The following FAM53B variants were observed in gnomAD, a reference collection of about 807,000 sequenced individuals.
FAM53B encodes the protein family with sequence similarity 53 member B.
Under a neutral mutation model 32.7 loss-of-function variants are expected in FAM53B, and 12 were observed. That is an observed-to-expected ratio of 0.37 (90% CI 0.24 to 0.59). The LOEUF (loss-of-function observed/expected upper bound fraction) is 0.59. Ranked by LOEUF, FAM53B falls within the 20% of genes least tolerant of loss-of-function variation. The pLI, the probability that FAM53B is intolerant of heterozygous loss-of-function variation, is 0.72. For synonymous variants in FAM53B, 234 were observed against 228.7 expected (o/e 1.02, Z -0.21); for missense variants, 477 against 577.7 (o/e 0.83, Z 1.79).
At chr10:124,695,424 TG>T (rs1949862427) in intron 3 of FAM53B, among the ~76,000 whole-genome samples, 1 of 152,258 alleles carries the variant, frequency 6.6e-6, no homozygotes, top group African/African-American at 2.4e-5. Context: ...CAATCTTCTC[TG>T]GAAGGCATGT....
chr10:124,678,909 T>A (rs1949752540), intron 4 of FAM53B, among the ~76,000 whole-genome samples: 1 of 152,234 alleles, frequency 6.6e-6, no homozygotes, highest in African/African-American at 2.4e-5. Flanking sequence ...AGATCTGCTC[T>A]AGGCCCCAGT....
intron 4 of FAM53B, among the ~76,000 whole-genome samples, chr10:124,629,959 C>G (rs1407762279): frequency 1.3e-5 from 2 of 152,192 alleles, no homozygotes. Flanking sequence ...AGAGATGCCT[C>G]GAAGGCTGTG....
intron 1 of FAM53B, among the ~76,000 whole-genome samples, chr10:124,718,616 G>C (rs1038187286): frequency 6.6e-6 from 1 of 152,228 alleles, no homozygotes; most frequent in Admixed American, 6.5e-5. Flanking sequence ...ATAAATTCTA[G>C]TAAGACTACT....
At chr10:124,635,697 C>T (rs1949425652) in intron 4 of FAM53B, among the ~76,000 whole-genome samples, 1 of 152,122 alleles carries the variant, frequency 6.6e-6, no homozygotes, top group African/African-American at 2.4e-5. Flanking sequence ...CCAATGGGAA[C>T]GGACCCTGCA....
chr10:124,699,447 A>G (rs958788816), intron 2 of FAM53B, among the ~76,000 whole-genome samples: 1 of 152,230 alleles, frequency 6.6e-6, no homozygotes, highest in Non-Finnish European at 1.5e-5. Context: ...CCTGCAGGCT[A>G]GCCTGGCCTC....
At chr10:124,707,015 C>A in intron 1 of FAM53B, 128 bp from the exon 2 acceptor site, 1 of 790,502 alleles carries the variant, frequency 1.3e-6, no homozygotes, top group Non-Finnish European at 1.7e-6. Flanking sequence ...GAGATGCACT[C>A]TGGGAGAGTC....
chr10:124,704,992 C>T (rs569410257), intron 2 of FAM53B, among the ~76,000 whole-genome samples: 1 of 152,320 alleles, frequency 6.6e-6, no homozygotes, highest in South Asian at 2.1e-4. Flanking sequence ...ATGGTCACAG[C>T]AGCTCTACTC....
intron 3 of FAM53B, among the ~76,000 whole-genome samples, chr10:124,687,046 T>A (rs904009185): frequency 6.6e-6 from 1 of 152,252 alleles, no homozygotes; most frequent in African/African-American, 2.4e-5. Context: ...ATTGTTTCTA[T>A]CTTTATCGCT....
chr10:124,702,272 A>C (rs1949919452), intron 2 of FAM53B, among the ~76,000 whole-genome samples: 1 of 152,166 alleles, frequency 6.6e-6, no homozygotes, highest in Non-Finnish European at 1.5e-5. Context: ...ACAAAAGAAA[A>C]ATTATTTTCC....
At chr10:124,702,770 T>A (rs1046085846) in intron 2 of FAM53B, among the ~76,000 whole-genome samples, 1 of 152,158 alleles carries the variant, frequency 6.6e-6, no homozygotes, top group Non-Finnish European at 1.5e-5. Context: ...CCAAATCTCA[T>A]GTTGAAATGT....
intron 2 of FAM53B, among the ~76,000 whole-genome samples, chr10:124,696,465 C>T (rs921810277): frequency 1.1e-4 from 17 of 152,296 alleles, no homozygotes; most frequent in African/African-American, 3.8e-4. Flanking sequence ...GAAAGCCCCA[C>T]GACTTCTGAC....
At chr10:124,671,143 C>G (rs1949705228) in intron 4 of FAM53B, 2 of 453,220 alleles carry the variant, frequency 4.4e-6, no homozygotes, top group Admixed American at 4.7e-5. Flanking sequence ...CGTCACCCAG[C>G]CATGCCGCGT....
intron 4 of FAM53B, among the ~76,000 whole-genome samples, chr10:124,641,882 C>T (rs542356827): frequency 7.4e-4 from 113 of 152,348 alleles, no homozygotes; most frequent in African/African-American, 2.6e-3. Context: ...CACCGCGACT[C>T]GCTGGTTCCT....
intron 1 of FAM53B, among the ~76,000 whole-genome samples, chr10:124,732,043 G>A (rs1408617803): frequency 1.3e-5 from 2 of 152,166 alleles, no homozygotes; most frequent in African/African-American, 4.8e-5. Flanking sequence ...AGGGCAACCT[G>A]GGATTGCTGT....
In FAM53B at chr10:124,682,416, G is replaced by A; in HGVS notation, c.134-37C>T. On this transcript the variant is annotated intron_variant, in intron 3 of 4. Transcript: ENST00000337318. The surrounding 1 kb of genome is among the most constrained non-coding windows in gnomAD (Gnocchi z 5.2). ...ATGACAAGGAGAAAACAGGATTTGA[G>A]AAGACCTTCACTCCAGCCCTTTATT... The A allele has an allele frequency of 1.7e-5, 26 of 1,550,918 alleles. No individual in the cohort carries two copies. The highest frequency in any genetic ancestry group is 2.1e-5 in the Non-Finnish European group (24 of 1,145,386).
chr10:124,642,234 A>T (rs1949480559), intron 4 of FAM53B, among the ~76,000 whole-genome samples: 1 of 152,244 alleles, frequency 6.6e-6, no homozygotes, highest in African/African-American at 2.4e-5. Flanking sequence ...CTTTACGGGC[A>T]AGCTGCCATG....
intron 3 of FAM53B, among the ~76,000 whole-genome samples, chr10:124,686,848 G>A (rs1032707768): frequency 6.6e-6 from 1 of 152,250 alleles, no homozygotes; most frequent in Non-Finnish European, 1.5e-5. Context: ...CCTTGGCCAG[G>A]TAAGTCCAAC....
intron 4 of FAM53B, among the ~76,000 whole-genome samples, chr10:124,643,580 A>G (rs1949490798): frequency 6.6e-6 from 1 of 152,224 alleles, no homozygotes. Flanking sequence ...GACAGTGCCA[A>G]TTAAAAATCT....
chr10:124,622,994 A>G lies in FAM53B; in HGVS notation c.*248T>C. ...ACTTCAAAGCTGTCCTCTGGGCTGC[A>G]GTAGTTCTGTGGACCTGGTGGCTGC... is the stretch of plus-strand genomic sequence containing the variant. On this transcript the variant is annotated 3_prime_UTR_variant, in exon 5 of 5. Coordinates refer to ENST00000337318, the MANE Select transcript of FAM53B (RefSeq NM_014661.4). 1.9e-6 allele frequency: 1 copy of G among 521,040 alleles called. No homozygotes were observed. Among genetic ancestry groups the G allele is most frequent in the Non-Finnish European group, 3.4e-6 (1 of 295,726 alleles). The allele number at this position is 521,040 out of a possible 1,614,324, so 32.3% of individuals were successfully genotyped here. A position where few individuals can be genotyped will look rare whatever the true frequency, so the allele number is the denominator to read the frequency against.
Sources: allele counts gnomAD v4.1 joint callset (sites outside exome capture counted in the v4.1 genomes callset), GRCh38; gene constraint gnomAD v4.1.1; non-coding constraint Gnocchi (gnomAD v3.1); transcripts MANE v1.5; gene names NCBI Gene and HGNC (gene_info 2026-07-23, HGNC 2026-07-21).